CLDN16: variants seen among roughly 807,000 people sequenced by gnomAD.
CLDN16 encodes the protein claudin 16, also known as claudin-16.
Under a neutral mutation model 24.6 loss-of-function variants are expected in CLDN16, and 13 were observed. The ratio of observed to expected loss-of-function variants is 0.53; its 90% confidence interval spans 0.34 to 0.84. The LOEUF (loss-of-function observed/expected upper bound fraction) is 0.84. CLDN16 is among the 40% of genes least tolerant of loss of function. The probability of loss-of-function intolerance (pLI) is 0.01; values close to 1 mark genes in which losing one functional copy is unlikely to be tolerated. For missense variants in CLDN16, 298 were observed against 292.7 expected (o/e 1.02, Z -0.13); for synonymous variants, 116 against 106.7 (o/e 1.09, Z -0.54).
chr3:190,330,164 T>C (rs1717153798), intron 1 of CLDN16, among the ~76,000 whole-genome samples: 1 of 152,206 alleles, frequency 6.6e-6, no homozygotes, highest in Non-Finnish European at 1.5e-5. Context: ...GAGTTCCAAC[T>C]GTATGCTCAC....
At chr3:190,313,002 A>C in the CLDN16 span, 43 of 1,614,076 alleles carry the variant, frequency 2.7e-5, no homozygotes, top group Non-Finnish European at 3.5e-5. Context: ...GGAGGATGCC[A>C]ACCACCATCA....
upstream of CLDN16, among the ~76,000 whole-genome samples, chr3:190,383,404 T>G (rs568503570): frequency 2.0e-3 from 299 of 152,210 alleles, no homozygotes; most frequent in Non-Finnish European, 3.6e-3. Flanking sequence ...ACCTGTGCAC[T>G]TCTCCAGCTA....
rs773999256 is a variant in CLDN16 at position 190,402,409 on chromosome 3, G to A, written c.187G>A (p.Glu63Lys). The A allele has an allele frequency of 6.2e-7, 1 of 1,613,896 alleles. No homozygotes were observed. The highest frequency in any genetic ancestry group is 2.2e-5 in the East Asian group (1 of 44,812). ...NAFDGIRTCD[E>K]YDSILAEHPL... ...TTTTGATGGGATTCGCACCTGTGAT[G>A]AGTACGATTCCATACTTGCGGAGCA... is the stretch of plus-strand genomic sequence containing the variant. The change falls in exon 2 of 5, where the codon GAG becomes AAG. Residue 63 changes from glutamate (E) to lysine (K), a missense_variant. Coordinates refer to ENST00000264734, the MANE Select transcript of CLDN16 (RefSeq NM_006580.4).
At chr3:190,294,311 A>G in the CLDN16 span, among the ~76,000 whole-genome samples, 58 of 152,308 alleles carry the variant, frequency 3.8e-4, 1 homozygote, top group East Asian at 0.011. Flanking sequence ...GCTAGTATTA[A>G]ATAAGTGTTC....
the CLDN16 span, among the ~76,000 whole-genome samples, chr3:190,291,129 G>A: frequency 6.6e-6 from 1 of 152,136 alleles, no homozygotes; most frequent in African/African-American, 2.4e-5. Flanking sequence ...AGAGGGTACA[G>A]CAAATGTAAA....
chr3:190,307,982 A>G, the CLDN16 span: 1 of 322,914 alleles, frequency 3.1e-6, no homozygotes, highest in South Asian at 3.2e-5. Flanking sequence ...ATATATACAT[A>G]TCTATATATA....
At chr3:190,312,786 T>A in the CLDN16 span, 1 of 1,487,704 alleles carries the variant, frequency 6.7e-7, no homozygotes, top group South Asian at 1.1e-5. Context: ...GAGACTGAAA[T>A]CAAGTATAAT....
At chr3:190,387,074 C>A (rs1241422505), upstream of CLDN16, among the ~76,000 whole-genome samples, 2 of 152,136 alleles carry the variant, frequency 1.3e-5, no homozygotes, top group African/African-American at 2.4e-5. Context: ...CTCCCAATTT[C>A]TTTCTCTCAC....
At chr3:190,350,088 G>A (rs1373764553) in intron 1 of CLDN16, among the ~76,000 whole-genome samples, 1 of 152,006 alleles carries the variant, frequency 6.6e-6, no homozygotes, top group Non-Finnish European at 1.5e-5. Context: ...GCACAGGGCA[G>A]GGCATGGAGA....
chr3:190,380,257 T>TTCCTTCCTTCCTTCCTTCCTTCCTTC (rs1330460824), intron 3 of CLDN16, among the ~76,000 whole-genome samples: 7 of 14,562 alleles, frequency 4.8e-4, no homozygotes, highest in Non-Finnish European at 4.7e-4. Flanking sequence ...TTCCTTCCTT[T>TTCCTTCCTTCCTTCCTTCCTTCCTTC]CTTCCTTCCT....
the CLDN16 span, chr3:190,313,019 G>A: frequency 4.3e-6 from 7 of 1,613,980 alleles, no homozygotes; most frequent in East Asian, 2.2e-5. Context: ...ATCAAGGCAC[G>A]GGTTGCTTGC....
intron 3 of CLDN16, chr3:190,374,751 A>G (rs141491136): frequency 6.6e-6 from 1 of 152,120 alleles, no homozygotes; most frequent in East Asian, 1.9e-4. Flanking sequence ...TAAAATAAAC[A>G]AAAAAGAAAG....
At chr3:190,367,838 T>C (rs940404205) in intron 1 of CLDN16, among the ~76,000 whole-genome samples, 4 of 151,996 alleles carry the variant, frequency 2.6e-5, no homozygotes, top group African/African-American at 9.7e-5. Flanking sequence ...AATATAAAGC[T>C]GTGGGCTGCA....
chr3:190,292,942 C>T, the CLDN16 span, among the ~76,000 whole-genome samples: 1 of 152,182 alleles, frequency 6.6e-6, no homozygotes, highest in Non-Finnish European at 1.5e-5. Context: ...CCAAACTGTT[C>T]CAACCTCTGC....
At chr3:190,398,910 G>T (rs115660381) in intron 1 of CLDN16, among the ~76,000 whole-genome samples, 1 of 151,998 alleles carries the variant, frequency 6.6e-6, no homozygotes, top group Non-Finnish European at 1.5e-5. Flanking sequence ...TTTAATTTAC[G>T]TGTAATGCAC....
intron 3 of CLDN16, 121 bp from the exon 4 acceptor site, chr3:190,408,193 T>A (rs955133367): frequency 6.3e-6 from 6 of 954,522 alleles, no homozygotes; most frequent in Non-Finnish European, 1.0e-5. Flanking sequence ...TGCCCATGAA[T>A]CCATGTTACT....
intron 1 of CLDN16, among the ~76,000 whole-genome samples, chr3:190,355,446 G>A (rs576290079): frequency 4.0e-5 from 6 of 151,702 alleles, no homozygotes; most frequent in East Asian, 1.9e-4. Context: ...ATGTTCTATC[G>A]ACTCTATTTT....
rs574170755 is a variant in CLDN16, at chr3:190,352,576, A to T, written n.122-18317A>T. ...AATCAGGTTAGCTACTAATCATGTA[A>T]TTAGAAATCAAAGTAGCTATGGTTG... On this transcript the variant is annotated intron_variant and non_coding_transcript_variant, in intron 1 of 4. Transcript: ENST00000468220. 4.0e-3 allele frequency among the ~76,000 whole-genome samples: 610 copies of T among 152,300 alleles called. 5 individuals carry two copies. The highest frequency in any genetic ancestry group is 0.014 in the African/African-American group (595 of 41,584).
chr3:190,297,326 A>T, the CLDN16 span, among the ~76,000 whole-genome samples: 1 of 151,502 alleles, frequency 6.6e-6, no homozygotes, highest in East Asian at 1.9e-4. Flanking sequence ...ATTCTGACAG[A>T]CAGACACGAG....
Sources: allele counts gnomAD v4.1 joint callset (sites outside exome capture counted in the v4.1 genomes callset), GRCh38; gene constraint gnomAD v4.1.1; transcripts MANE v1.5; gene names NCBI Gene and HGNC (gene_info 2026-07-23, HGNC 2026-07-21).